SOCS6: variants seen among roughly 807,000 people sequenced by gnomAD.
The protein encoded by SOCS6 is suppressor of cytokine signaling 6.
SOCS6 carries 5 observed loss-of-function variants against 27.7 expected under a neutral mutation model. The observed-to-expected ratio is 0.18, with a 90% CI of 0.09 to 0.38. The LOEUF (loss-of-function observed/expected upper bound fraction) is 0.38, where lower values mean the gene tolerates loss of function less well. SOCS6 is among the 10% of genes least tolerant of loss of function. The pLI is 1.00. For missense variants in SOCS6, 595 were observed against 688.1 expected (o/e 0.86, Z 1.51); for synonymous variants, 271 against 260.0 (o/e 1.04, Z -0.41).
At chr18:70,307,612 G>A (rs1227364287) in intron 1 of SOCS6, among the ~76,000 whole-genome samples, 2 of 152,046 alleles carry the variant, frequency 1.3e-5, no homozygotes, top group Admixed American at 6.5e-5. Flanking sequence ...TTTCTCTTAA[G>A]TTTTCTAATT....
At chr18:70,289,333 G>A (rs1294152103) in intron 1 of SOCS6, among the ~76,000 whole-genome samples, 4 of 148,790 alleles carry the variant, frequency 2.7e-5, no homozygotes, top group Non-Finnish European at 6.0e-5. Flanking sequence ...GGGGGCCGGG[G>A]CCAGTCCCGG....
intron 1 of SOCS6, among the ~76,000 whole-genome samples, chr18:70,321,441 C>T (rs1003822239): frequency 1.4e-5 from 2 of 148,092 alleles, no homozygotes; most frequent in Admixed American, 6.8e-5. Context: ...CTGCCTCAGC[C>T]TCCTGAGTAG....
At chr18:70,318,918 G>A (rs1054751012) in intron 1 of SOCS6, among the ~76,000 whole-genome samples, 1 of 151,602 alleles carries the variant, frequency 6.6e-6, no homozygotes, top group East Asian at 1.9e-4. Flanking sequence ...CCTGGGCGAC[G>A]CGAGCAAGAT....
chr18:70,310,845 C>T (rs1457355013), intron 1 of SOCS6, among the ~76,000 whole-genome samples: 2 of 152,132 alleles, frequency 1.3e-5, no homozygotes, highest in Non-Finnish European at 2.9e-5. Flanking sequence ...GAATTATGCA[C>T]CAAGGGTTCA....
rs1164578678 is a variant in SOCS6, at chr18:70,327,018, G to A, written c.*742G>A. 1.8e-5 allele frequency: 3 copies of A among 165,994 alleles called. No homozygotes were observed. Among genetic ancestry groups the A allele is most frequent in the Non-Finnish European group, 4.4e-5 (3 of 68,086 alleles). The allele number at this position is 165,994 out of a possible 1,614,324, so 10.3% of individuals were successfully genotyped here. ...TAAAGAAATGTATACCACCAATTTAGAAATTGTTGCCTTTTCTGTAATTAA... is the reference window on the plus strand; with the variant it reads ...TAAAGAAATGTATACCACCAATTTAAAAATTGTTGCCTTTTCTGTAATTAA... On this transcript the variant is annotated 3_prime_UTR_variant, in exon 2 of 2. Transcript: ENST00000397942.
intron 1 of SOCS6, among the ~76,000 whole-genome samples, chr18:70,301,986 G>T (rs1000781701): frequency 6.6e-6 from 1 of 152,190 alleles, no homozygotes; most frequent in South Asian, 2.1e-4. Flanking sequence ...GAGAGGAATC[G>T]TGGGCATCAG....
intron 1 of SOCS6, among the ~76,000 whole-genome samples, chr18:70,293,980 A>G (rs2062312006): frequency 6.6e-6 from 1 of 151,870 alleles, no homozygotes; most frequent in African/African-American, 2.4e-5. Context: ...AGTCCCAGCT[A>G]CTCGGGAGGC....
intron 1 of SOCS6, among the ~76,000 whole-genome samples, chr18:70,297,842 A>G (rs2146263589): frequency 6.6e-6 from 1 of 152,324 alleles, no homozygotes; most frequent in Admixed American, 6.5e-5. Context: ...TTGTTCCCCA[A>G]ATCTGCTATT....
At chr18:70,306,026 C>G (rs41515345) in intron 1 of SOCS6, among the ~76,000 whole-genome samples, 3,703 of 152,096 alleles carry the variant, frequency 0.024, 85 homozygotes, top group South Asian at 0.042. Flanking sequence ...TCGCTTGAGC[C>G]TAGGAGTTTA....
At position 70,325,858 on chromosome 18, in the gene SOCS6, A is replaced by C; in HGVS notation, c.1190A>C (p.Lys397Thr). The change falls in exon 2 of 2, where the codon AAG (lysine) becomes ACG (threonine). Residue 397 changes from lysine (K) to threonine (T), a missense_variant. Transcript: ENST00000397942. This position sits in a 1 kb window ranked among gnomAD's most constrained non-coding sequence, Gnocchi z 6.3. ...GPITRWEAEG[K>T]LANVPDGSFL... ...ATCACACGTTGGGAGGCAGAAGGGAAGCTAGCAAACGTGCCAGATGGTTCT... is the reference window on the plus strand; with the variant it reads ...ATCACACGTTGGGAGGCAGAAGGGACGCTAGCAAACGTGCCAGATGGTTCT... 6.2e-7 allele frequency: 1 copy of C among 1,614,212 alleles called. No homozygotes were observed. The highest frequency in any genetic ancestry group is 8.5e-7 in the Non-Finnish European group (1 of 1,180,014).
intron 1 of SOCS6, among the ~76,000 whole-genome samples, chr18:70,292,623 C>T (rs1359361597): frequency 6.6e-6 from 1 of 152,208 alleles, no homozygotes; most frequent in Non-Finnish European, 1.5e-5. Context: ...GTTGGGATTG[C>T]AGGCACGAGC....
rs184346343 is a variant in SOCS6 at position 70,325,568 on chromosome 18, G to A, written c.900G>A (p.Pro300=). Residue 300 remains proline, a synonymous_variant, in exon 2 of 2, where the codon CCG becomes CCA. Coordinates refer to ENST00000397942, the MANE Select transcript of SOCS6 (RefSeq NM_004232.4). This position sits in a 1 kb window ranked among gnomAD's most constrained non-coding sequence, Gnocchi z 6.3. The part of the protein sequence containing the change: ...IGTTGVMLQS[P]RAGHDDVPPL... Reference sequence around the variant, plus strand: ...CCACGGGAGTCATGTTGCAGAGCCCGAGAGCGGGTCACGATGATGTCCCTC... The same window carrying A: ...CCACGGGAGTCATGTTGCAGAGCCCAAGAGCGGGTCACGATGATGTCCCTC... 3.3e-5 allele frequency: 53 copies of A among 1,614,154 alleles called. No individual in the cohort carries two copies. In the African/African-American group the frequency reaches 5.9e-4, roughly 18 times the overall value.
chr18:70,306,089 G>A (rs2062368084), intron 1 of SOCS6, among the ~76,000 whole-genome samples: 1 of 152,070 alleles, frequency 6.6e-6, no homozygotes, highest in East Asian at 1.9e-4. Context: ...AGTTAGCTAA[G>A]TGTGGTGGCA....
intron 1 of SOCS6, among the ~76,000 whole-genome samples, chr18:70,322,083 T>C (rs939069372): frequency 3.3e-5 from 5 of 152,232 alleles, no homozygotes; most frequent in Non-Finnish European, 7.3e-5. Context: ...CCTTTACCCA[T>C]ATGGATAAAG....
In SOCS6 at chr18:70,325,208, T is replaced by C; in HGVS notation, c.540T>C (p.Ser180=). The C allele has an allele frequency of 6.2e-7, 1 of 1,614,116 alleles. No individual in the cohort carries two copies. Among genetic ancestry groups the C allele is most frequent in the Non-Finnish European group, 8.5e-7 (1 of 1,179,954 alleles). The stretch of plus-strand genomic sequence containing the variant: ...GGAAGGATTTCCACGACCTCCAGTC[T>C]GAGACCACGTGCCAGGAGCAAGCCA... The part of the protein sequence containing the change: ...GVRKDFHDLQ[S]ETTCQEQANS... The change falls in exon 2 of 2, where the codon TCT becomes TCC. Residue 180 remains serine (S), a synonymous_variant. Transcript: ENST00000397942. The surrounding 1 kb of genome is among the most constrained non-coding windows in gnomAD (Gnocchi z 6.3).
intron 1 of SOCS6, among the ~76,000 whole-genome samples, chr18:70,294,769 A>AAAC (rs1282547542): frequency 5.9e-5 from 9 of 152,232 alleles, no homozygotes; most frequent in African/African-American, 1.9e-4. Flanking sequence ...GGGTCATTGC[A>AAAC]GTTCATTGGT....
chr18:70,318,607 T>C (rs573663901), intron 1 of SOCS6, among the ~76,000 whole-genome samples: 4 of 151,976 alleles, frequency 2.6e-5, no homozygotes, highest in Non-Finnish European at 5.9e-5. Context: ...ATATAACATA[T>C]TATTGTTGTT....
In SOCS6 at chr18:70,296,906, C is replaced by CTTTTTTTTTT. The variant is rs375704179; in HGVS notation, c.-127+7819_-127+7828dup. Among the ~76,000 whole-genome samples, 104 of 129,104 alleles carry CTTTTTTTTTT rather than the reference C, an allele frequency of 8.1e-4. 1 individual carries two copies. Among genetic ancestry groups the CTTTTTTTTTT allele is most frequent in the East Asian group, 5.2e-3 (23 of 4,452 alleles). The allele number at this position is 129,104 out of a possible 152,430, so 84.7% of individuals were successfully genotyped here. A position where few individuals can be genotyped will look rare whatever the true frequency, so the allele number is the denominator to read the frequency against. On this transcript the variant is annotated intron_variant, in intron 1 of 1. Transcript: ENST00000397942. Reference sequence around the variant, plus strand: ...TCCCTTTCATTTTCTCATTTTCTTTCTTTTTTTTTTTTCTGTCTTAAGCTC... The same window carrying CTTTTTTTTTT: ...TCCCTTTCATTTTCTCATTTTCTTTCTTTTTTTTTTTTTTTTTTTTTTCTGTCTTAAGCTC...
chr18:70,305,741 G>A (rs1428187949), intron 1 of SOCS6, among the ~76,000 whole-genome samples: 2 of 152,272 alleles, frequency 1.3e-5, no homozygotes, highest in South Asian at 4.1e-4. Flanking sequence ...GCAGTGTTTT[G>A]TAGTTTTGAC....
Sources: gnomAD v4.1 joint callset for allele counts (sites outside exome capture counted in the v4.1 genomes callset) on GRCh38, gnomAD v4.1.1 for gene constraint, Gnocchi (gnomAD v3.1) non-coding constraint, MANE v1.5 for transcripts, NCBI Gene and HGNC (gene_info 2026-07-23, HGNC 2026-07-21) for gene names.